Variants in ANKRD42 observed in about 807,000 individuals in gnomAD.
ANKRD42 encodes the protein ankyrin repeat domain-containing protein 42.
A neutral mutation model predicts 51.5 loss-of-function variants in ANKRD42; 43 were observed. The observed-to-expected ratio is 0.83, with a 90% confidence interval of 0.65 to 1.08. The LOEUF (loss-of-function observed/expected upper bound fraction) is 1.08. Among genes scored for constraint, ANKRD42 ranks in the 50% least tolerant of loss-of-function variants. The probability of loss-of-function intolerance (pLI) is 0.00; values close to 1 mark genes in which losing one functional copy is unlikely to be tolerated. For synonymous variants in ANKRD42, 203 were observed against 213.0 expected (o/e 0.95, Z 0.41); for missense variants, 608 against 629.3 (o/e 0.97, Z 0.36).
chr11:83,254,430 C>CTTTTTTTTTTTTTTTTTTTTTTTTTT (rs778427623), intron 11 of ANKRD42, among the ~76,000 whole-genome samples: 1 of 130,412 alleles, frequency 7.7e-6, no homozygotes, highest in African/African-American at 3.0e-5. Flanking sequence ...TTTCTTTTTT[C>CTTTTTTTTTTTTTTTTTTTTTTTTTT]TTTTCTTTTT....
At chr11:83,215,494 TTTC>T (rs1247771226) in intron 5 of ANKRD42, among the ~76,000 whole-genome samples, 3 of 152,138 alleles carry the variant, frequency 2.0e-5, no homozygotes, top group Non-Finnish European at 4.4e-5. Context: ...TGTTGCTTGT[TTTC>T]TGGTTGTTTT....
chr11:83,200,424 A>C (rs1861823719), intron 2 of ANKRD42, among the ~76,000 whole-genome samples: 1 of 152,190 alleles, frequency 6.6e-6, no homozygotes. Context: ...TCTGACTGGC[A>C]TCTCAAATTC....
At chr11:83,241,073 A>AAT (rs1863372185) in intron 9 of ANKRD42, 139 bp downstream of exon 9, 1 of 978,868 alleles carries the variant, frequency 1.0e-6, no homozygotes, top group African/African-American at 1.7e-5. Flanking sequence ...AACTAGAACT[A>AAT]ATATAAGTTT....
chr11:83,214,581 A>G (rs1392117822), intron 5 of ANKRD42: 3 of 979,632 alleles, frequency 3.1e-6, no homozygotes, highest in Non-Finnish European at 3.6e-6. Flanking sequence ...TCGCTCTCAT[A>G]AAATTATTTT....
intron 9 of ANKRD42, among the ~76,000 whole-genome samples, 186 bp from the exon 10 acceptor site, chr11:83,245,312 G>C (rs551962643): frequency 3.3e-5 from 5 of 152,262 alleles, no homozygotes; most frequent in East Asian, 3.9e-4. Context: ...ATTCCATTGC[G>C]TGCTCATTTT....
intron 5 of ANKRD42, among the ~76,000 whole-genome samples, chr11:83,223,164 C>T (rs1159193644): frequency 2.0e-5 from 3 of 152,278 alleles, no homozygotes; most frequent in East Asian, 1.9e-4. Context: ...GCACCAGAAT[C>T]GCTTGAACCC....
chr11:83,242,567 G>GTTTTTTTTTTTTGTTTTTTTTT (rs1863421468), intron 9 of ANKRD42, among the ~76,000 whole-genome samples: 1 of 115,546 alleles, frequency 8.7e-6, no homozygotes, highest in Non-Finnish European at 1.8e-5. Context: ...TGGTAGTTAA[G>GTTTTTTTTTTTTGTTTTTTTTT]TTTTTTTTTT....
intron 1 of ANKRD42, among the ~76,000 whole-genome samples, chr11:83,196,398 AGTGT>A (rs145815586): frequency 0.35 from 44,195 of 124,564 alleles, 7,153 homozygotes; most frequent in East Asian, 0.62. Context: ...AGTGTGTGAG[AGTGT>A]GTGTGTGTGT....
chr11:83,239,234 T>C (rs1344967397), intron 8 of ANKRD42, among the ~76,000 whole-genome samples: 1 of 152,198 alleles, frequency 6.6e-6, no homozygotes, highest in Non-Finnish European at 1.5e-5. Context: ...GAAGTGATTA[T>C]TCAGATCTTT....
intron 3 of ANKRD42, among the ~76,000 whole-genome samples, chr11:83,207,973 T>C (rs1291450024): frequency 6.6e-6 from 1 of 152,194 alleles, no homozygotes; most frequent in Middle Eastern, 3.2e-3. Flanking sequence ...AAGAGAGTTT[T>C]TCCCCCCCTC....
At position 83,210,316 on chromosome 11, in the gene ANKRD42, G is replaced by T; in HGVS notation, c.347G>T (p.Gly116Val). The change falls in exon 4 of 11, where the codon GGA becomes GTA. Residue 116 changes from glycine to valine, a missense_variant. Transcript: ENST00000533342. Reference protein sequence around the residue: ...DACVQALIMNGANLTAQDDRG... With the variant: ...DACVQALIMNVANLTAQDDRG... ...TATTTTTAGGCTCTTATAATGAATGGAGCAAATCTGACAGCCCAGGATGAC... is the reference window on the plus strand; with the variant it reads ...TATTTTTAGGCTCTTATAATGAATGTAGCAAATCTGACAGCCCAGGATGAC... 1 of 1,613,642 alleles carries T rather than the reference G, an allele frequency of 6.2e-7. No individual in the cohort carries two copies. The highest frequency in any genetic ancestry group is 1.1e-5 in the South Asian group (1 of 91,052).
At chr11:83,247,761 C>G (rs1863585554) in intron 10 of ANKRD42, among the ~76,000 whole-genome samples, 182 bp from the exon 11 acceptor site, 1 of 152,164 alleles carries the variant, frequency 6.6e-6, no homozygotes, top group Non-Finnish European at 1.5e-5. Flanking sequence ...CTTTTGTTCA[C>G]CACTGTATCC....
rs1861749078 is a variant in ANKRD42 at position 83,198,539 on chromosome 11, A to G, written c.119A>G (p.Lys40Arg). 1 of 1,614,016 alleles carries G rather than the reference A, an allele frequency of 6.2e-7. No homozygotes were observed. Among genetic ancestry groups the G allele is most frequent in the African/African-American group, 1.3e-5 (1 of 75,048 alleles). Residue 40 changes from lysine to arginine, a missense_variant, in exon 2 of 11, where the codon AAG becomes AGG. By Grantham distance (26) the Lys-to-Arg change is conservative (BLOSUM62 2). Transcript: ENST00000533342. ...IHDAVRAGDV[K>R]QLSEIVVRGA... is the part of the protein sequence containing the mutation. ...GATGCAGTACGAGCTGGAGATGTAAAGCAGCTTTCAGAAATAGTGGTACGT... is the reference window on the plus strand; with the variant it reads ...GATGCAGTACGAGCTGGAGATGTAAGGCAGCTTTCAGAAATAGTGGTACGT...
intron 9 of ANKRD42, among the ~76,000 whole-genome samples, chr11:83,241,248 ATTG>A (rs1274053222): frequency 2.6e-5 from 4 of 152,318 alleles, no homozygotes; most frequent in Middle Eastern, 3.4e-3. Context: ...TTGGCAAATG[ATTG>A]TTATAGATAA....
chr11:83,256,561 TTTCTC>T (rs767235808), downstream of ANKRD42, among the ~76,000 whole-genome samples: 10 of 152,146 alleles, frequency 6.6e-5, no homozygotes, highest in Non-Finnish European at 1.3e-4. Context: ...CCCCCTCTCT[TTTCTC>T]TTCTCTTCCC....
intron 6 of ANKRD42, among the ~76,000 whole-genome samples, chr11:83,226,612 TA>T (rs1862894140): frequency 6.6e-6 from 1 of 152,168 alleles, no homozygotes; most frequent in African/African-American, 2.4e-5. Flanking sequence ...CAGTGTGTAG[TA>T]ATGGCAAACA....
chr11:83,230,065 G>T (rs1343378964), intron 7 of ANKRD42, among the ~76,000 whole-genome samples: 1 of 152,074 alleles, frequency 6.6e-6, no homozygotes, highest in African/African-American at 2.4e-5. Context: ...TCACCCTGTT[G>T]TGCTATCAGA....
At chr11:83,263,447 G>C (rs917662232), downstream of ANKRD42, among the ~76,000 whole-genome samples, 2 of 152,154 alleles carry the variant, frequency 1.3e-5, no homozygotes, top group Admixed American at 1.3e-4. Flanking sequence ...TCTATACCCT[G>C]TCTAGGGAGA....
downstream of ANKRD42, chr11:83,257,440 A>AT (rs1863794234): frequency 2.5e-6 from 1 of 395,240 alleles, no homozygotes; most frequent in African/African-American, 2.1e-5. Flanking sequence ...ACTGAAAGCC[A>AT]TAGTTGTTTT....
Sources: allele counts gnomAD v4.1 joint callset (sites outside exome capture counted in the v4.1 genomes callset), GRCh38; gene constraint gnomAD v4.1.1; transcripts MANE v1.5; gene names NCBI Gene and HGNC (gene_info 2026-07-23, HGNC 2026-07-21).